PDLIM5: variants seen among roughly 807,000 people sequenced by gnomAD.
PDLIM5 encodes PDZ and LIM domain 5.
Under a neutral mutation model 64.2 loss-of-function variants are expected in PDLIM5, and 34 were observed. That is an observed-to-expected ratio of 0.53 (90% CI 0.40 to 0.71). The LOEUF is 0.71. Among genes scored for constraint, PDLIM5 ranks in the 30% least tolerant of loss-of-function variants. The pLI, the probability that PDLIM5 is intolerant of heterozygous loss-of-function variation, is 0.00. For synonymous variants in PDLIM5, 253 were observed against 269.1 expected (o/e 0.94, Z 0.59); for missense variants, 683 against 733.6 (o/e 0.93, Z 0.80).
Position 94,608,000 on chromosome 4 carries a change from C to A in PDLIM5, c.921-10004C>A, listed in dbSNP as rs114936650. 9.5e-4 allele frequency: 1,193 copies of A among 1,250,842 alleles called. 10 individuals are homozygous for A. The African/African-American group carries it at 0.016, about 17-fold the overall frequency. The allele number at this position is 1,250,842 out of a possible 1,614,324, so 77.5% of individuals were successfully genotyped here. On this transcript the variant is annotated intron_variant, in intron 7 of 12. Transcript: ENST00000317968. ...AAAAGATGGTATAGATGATAAATGT[C>A]TTTTGTACTTTTCATTAATATTTCC...
At chr4:94,528,639 G>A (rs570397839) in intron 3 of PDLIM5, among the ~76,000 whole-genome samples, 5 of 152,028 alleles carry the variant, frequency 3.3e-5, no homozygotes, top group East Asian at 1.9e-4. Flanking sequence ...ACTATGTGCC[G>A]GGCACTGTTA....
intron 3 of PDLIM5, among the ~76,000 whole-genome samples, chr4:94,558,864 T>C (rs905226775): frequency 6.6e-6 from 1 of 152,060 alleles, no homozygotes; most frequent in Non-Finnish European, 1.5e-5. Context: ...ATAACTAAGT[T>C]ATGTAAGTAG....
intron 2 of PDLIM5, among the ~76,000 whole-genome samples, chr4:94,477,003 T>C (rs1725382809): frequency 6.6e-6 from 1 of 152,242 alleles, no homozygotes; most frequent in South Asian, 2.1e-4. Flanking sequence ...ATGGATTCTA[T>C]GATCGTTAAT....
At chr4:94,591,491 G>T (rs143595140) in intron 7 of PDLIM5, among the ~76,000 whole-genome samples, 1 of 152,146 alleles carries the variant, frequency 6.6e-6, no homozygotes, top group Non-Finnish European at 1.5e-5. Context: ...TGGGAGTGTC[G>T]TAGGCAGACA....
At chr4:94,618,750 A>G (rs978287650) in intron 8 of PDLIM5, among the ~76,000 whole-genome samples, 8 of 152,238 alleles carry the variant, frequency 5.3e-5, no homozygotes, top group African/African-American at 1.9e-4. Flanking sequence ...AGCTTTAAAT[A>G]AAGTCACATA....
chr4:94,491,179 T>G (rs558519232), intron 2 of PDLIM5, among the ~76,000 whole-genome samples: 1 of 152,276 alleles, frequency 6.6e-6, no homozygotes, highest in East Asian at 1.9e-4. Flanking sequence ...CAAAGCCAAA[T>G]GCTGATTCCG....
At chr4:94,589,032 C>T (rs992802444) in intron 7 of PDLIM5, among the ~76,000 whole-genome samples, 6 of 152,030 alleles carry the variant, frequency 3.9e-5, no homozygotes, top group African/African-American at 1.4e-4. Context: ...GACATCAATC[C>T]CAGTTATAAC....
At chr4:94,591,828 G>C (rs1163569948) in intron 7 of PDLIM5, among the ~76,000 whole-genome samples, 1 of 152,228 alleles carries the variant, frequency 6.6e-6, no homozygotes, top group Non-Finnish European at 1.5e-5. Flanking sequence ...TGCATGCTAA[G>C]CGCTAAGCTC....
rs76931178 is a variant in PDLIM5 at position 94,578,750 on chromosome 4, A to G, written c.710+2716A>G. Among the ~76,000 whole-genome samples the G allele has an allele frequency of 3.5e-3, 529 of 152,200 alleles. 14 individuals are homozygous for G. In the East Asian group the frequency reaches 0.07, roughly 20 times the overall value. ...TTACTATTATATTTCCCAGATTTTT[A>G]TAATGTTGCAAAATACCTACAACAA... On this transcript the variant is annotated intron_variant, in intron 5 of 12. Coordinates refer to ENST00000317968, the MANE Select transcript of PDLIM5 (RefSeq NM_006457.5).
At chr4:94,556,706 T>A (rs1471657811) in intron 3 of PDLIM5, among the ~76,000 whole-genome samples, 5 of 152,232 alleles carry the variant, frequency 3.3e-5, no homozygotes. Flanking sequence ...ATGTCTTATT[T>A]TGGAACATGT....
chr4:94,567,063 G>A (rs1734387164), intron 3 of PDLIM5, among the ~76,000 whole-genome samples: 1 of 152,144 alleles, frequency 6.6e-6, no homozygotes, highest in Non-Finnish European at 1.5e-5. Flanking sequence ...GCACAACCTC[G>A]GCTCACTGCA....
intron 2 of PDLIM5, among the ~76,000 whole-genome samples, chr4:94,500,962 T>C (rs1256609792): frequency 6.6e-6 from 1 of 151,968 alleles, no homozygotes; most frequent in Non-Finnish European, 1.5e-5. Context: ...TTGTATTTTT[T>C]GTAGAGACAG....
At chr4:94,501,848 A>G (rs1475473318) in intron 2 of PDLIM5, among the ~76,000 whole-genome samples, 1 of 152,216 alleles carries the variant, frequency 6.6e-6, no homozygotes, top group Non-Finnish European at 1.5e-5. Context: ...AAATAAAAAT[A>G]TTGGGAAGAA....
intron 7 of PDLIM5, among the ~76,000 whole-genome samples, chr4:94,607,673 G>C (rs1401437577): frequency 6.6e-6 from 1 of 152,122 alleles, no homozygotes; most frequent in Admixed American, 6.5e-5. Context: ...AATACAGGCA[G>C]ACCTGGTCCA....
intron 2 of PDLIM5, among the ~76,000 whole-genome samples, chr4:94,519,065 A>G (rs1729610205): frequency 6.6e-6 from 1 of 152,122 alleles, no homozygotes; most frequent in African/African-American, 2.4e-5. Flanking sequence ...TCATAATTGG[A>G]TAGTAGTAAG....
chr4:94,586,147 G>T (rs1249904655), intron 6 of PDLIM5, among the ~76,000 whole-genome samples: 1 of 152,086 alleles, frequency 6.6e-6, no homozygotes, highest in Non-Finnish European at 1.5e-5. Flanking sequence ...TCCAGCCTGG[G>T]TGATGGAGGG....
chr4:94,469,458 GC>G (rs1377106578), intron 2 of PDLIM5, among the ~76,000 whole-genome samples: 1 of 152,156 alleles, frequency 6.6e-6, no homozygotes, highest in Non-Finnish European at 1.5e-5. Flanking sequence ...AAGTGCAGGG[GC>G]CTTGAGACAG....
At chr4:94,452,690 G>A (rs577982537) in intron 1 of PDLIM5, among the ~76,000 whole-genome samples, 5 of 152,294 alleles carry the variant, frequency 3.3e-5, no homozygotes, top group African/African-American at 7.2e-5. Flanking sequence ...GGAAGGGCGT[G>A]TGGACAGGGC....
chr4:94,560,780 G>A (rs1733766082), intron 3 of PDLIM5, among the ~76,000 whole-genome samples: 1 of 152,150 alleles, frequency 6.6e-6, no homozygotes, highest in African/African-American at 2.4e-5. Context: ...CAGGCTGGGT[G>A]TGGTGGTACA....
Sources: allele counts gnomAD v4.1 joint callset (sites outside exome capture counted in the v4.1 genomes callset), GRCh38; gene constraint gnomAD v4.1.1; transcripts MANE v1.5; gene names NCBI Gene and HGNC (gene_info 2026-07-23, HGNC 2026-07-21).